Variants in FILIP1 observed in about 807,000 individuals in gnomAD.
FILIP1 encodes the protein filamin A interacting protein 1.
Under a neutral mutation model 102.1 loss-of-function variants are expected in FILIP1, and 61 were observed. The observed-to-expected ratio is 0.60, with a 90% confidence interval of 0.49 to 0.74. The LOEUF is 0.74. FILIP1 is among the 30% of genes least tolerant of loss of function. The pLI, the probability that FILIP1 is intolerant of heterozygous loss-of-function variation, is 0.00. For missense variants in FILIP1, 1,314 were observed against 1,441.2 expected (o/e 0.91, Z 1.43); for synonymous variants, 491 against 526.9 (o/e 0.93, Z 0.93).
intron 4 of FILIP1, among the ~76,000 whole-genome samples, chr6:75,333,866 T>C (rs1774155890): frequency 6.6e-6 from 1 of 152,164 alleles, no homozygotes; most frequent in Non-Finnish European, 1.5e-5. Flanking sequence ...ACACAATTGT[T>C]TAACATAATC....
In FILIP1 at chr6:75,314,554, C is replaced by A; in HGVS notation, c.1278G>T (p.Glu426Asp). The A allele has an allele frequency of 6.2e-7, 1 of 1,614,030 alleles. No homozygotes were observed. The highest frequency in any genetic ancestry group is 8.5e-7 in the Non-Finnish European group (1 of 1,180,012). ...HHSKELRLEVEKLQKRMSELE... is the reference protein window; with the variant it reads ...HHSKELRLEVDKLQKRMSELE... ...GTTCAGACATTCTCTTCTGTAGCTT[C>A]TCAACTTCAAGTCTGAGCTCCTTAC... The change falls in exon 5 of 6, where the codon GAG (glutamate) becomes GAT (aspartate). Residue 426 changes from glutamate (E) to aspartate (D), a missense_variant. Coordinates refer to ENST00000237172, the MANE Select transcript of FILIP1 (RefSeq NM_015687.5).
In FILIP1 at chr6:75,314,560, T is replaced by C; in HGVS notation, c.1272A>G (p.Glu424=). 6.2e-7 allele frequency: 1 copy of C among 1,614,046 alleles called. No individual in the cohort carries two copies. The change falls in exon 5 of 6, where the codon GAA becomes GAG. Residue 424 remains glutamate (E), a synonymous_variant. Coordinates refer to ENST00000237172, the MANE Select transcript of FILIP1 (RefSeq NM_015687.5). ...EEHHSKELRL[E]VEKLQKRMSE... Reference sequence around the variant, plus strand: ...ACATTCTCTTCTGTAGCTTCTCAACTTCAAGTCTGAGCTCCTTACTATGGT... The same window carrying C: ...ACATTCTCTTCTGTAGCTTCTCAACCTCAAGTCTGAGCTCCTTACTATGGT...
intron 1 of FILIP1, among the ~76,000 whole-genome samples, chr6:75,462,398 A>C (rs1432631856): frequency 7.9e-5 from 12 of 152,094 alleles, no homozygotes; most frequent in Admixed American, 7.9e-4. Context: ...GCACAACTGG[A>C]ATGGCAGGGT....
At chr6:75,327,683 T>C (rs1032789457) in intron 4 of FILIP1, among the ~76,000 whole-genome samples, 1 of 151,602 alleles carries the variant, frequency 6.6e-6, no homozygotes, top group African/African-American at 2.4e-5. Context: ...TATATAAACA[T>C]TAAGAGATAT....
In FILIP1 at chr6:75,319,120, T is replaced by A. The variant is rs1319330965; in HGVS notation, c.630-3918A>T. ...ATCTTCCTCCTCTTCCTTCTTTTTC[T>A]TGCTTTTTTCAGACTTGACAATTCC... On this transcript the variant is annotated intron_variant, in intron 4 of 5. Coordinates refer to ENST00000237172, the MANE Select transcript of FILIP1 (RefSeq NM_015687.5). 6.8e-6 allele frequency: 5 copies of A among 732,874 alleles called. No homozygotes were observed. In the East Asian group the frequency reaches 1.4e-4, roughly 21 times the overall value. The allele number at this position is 732,874 out of a possible 1,614,324, so 45.4% of individuals were successfully genotyped here.
chr6:75,332,158 C>A (rs1366595977), intron 4 of FILIP1, among the ~76,000 whole-genome samples: 1 of 152,146 alleles, frequency 6.6e-6, no homozygotes, highest in Non-Finnish European at 1.5e-5. Context: ...ACCAAGACAG[C>A]AGTTCACAGT....
At chr6:75,443,029 G>C (rs183763806) in intron 1 of FILIP1, among the ~76,000 whole-genome samples, 3 of 152,334 alleles carry the variant, frequency 2.0e-5, no homozygotes, top group African/African-American at 7.2e-5. Flanking sequence ...TGGAGTGAAA[G>C]TGTAAAGTTT....
At chr6:75,481,939 G>T (rs1372585165) in intron 1 of FILIP1, among the ~76,000 whole-genome samples, 2 of 152,182 alleles carry the variant, frequency 1.3e-5, no homozygotes. Flanking sequence ...TAAATTAGAT[G>T]ATTTTAATCT....
chr6:75,490,629 C>T (rs1779927405), intron 1 of FILIP1, among the ~76,000 whole-genome samples: 1 of 139,278 alleles, frequency 7.2e-6, no homozygotes, highest in African/African-American at 2.5e-5. Context: ...TAGGTAGATA[C>T]ACAGGATTTG....
At chr6:75,325,427 AC>A (rs1773808618) in intron 4 of FILIP1, among the ~76,000 whole-genome samples, 1 of 152,202 alleles carries the variant, frequency 6.6e-6, no homozygotes, top group Admixed American at 6.5e-5. Flanking sequence ...GTCTCAAAAA[AC>A]AAAACAAAAC....
chr6:75,404,196 CT>C (rs1191524666), intron 2 of FILIP1, among the ~76,000 whole-genome samples: 3 of 152,178 alleles, frequency 2.0e-5, no homozygotes, highest in Non-Finnish European at 4.4e-5. Flanking sequence ...GATTATGCCA[CT>C]GCCACTGCCC....
chr6:75,396,528 A>T (rs1776465775), intron 2 of FILIP1, among the ~76,000 whole-genome samples: 1 of 152,036 alleles, frequency 6.6e-6, no homozygotes, highest in Non-Finnish European at 1.5e-5. Flanking sequence ...TGTCAATTAT[A>T]CCCTTGTTAG....
chr6:75,399,957 C>T (rs1776596893), intron 2 of FILIP1, among the ~76,000 whole-genome samples: 1 of 152,028 alleles, frequency 6.6e-6, no homozygotes. Flanking sequence ...AAAGGAAATT[C>T]CAGGCATCCT....
At position 75,312,841 on chromosome 6, in the gene FILIP1, G is replaced by A. The variant is rs776433993; in HGVS notation, c.2991C>T (p.Gly997=). The A allele has an allele frequency of 1.3e-5, 21 of 1,613,998 alleles. No individual in the cohort carries two copies. Among genetic ancestry groups the A allele is most frequent in the East Asian group, 4.5e-5 (2 of 44,886 alleles). Residue 997 remains glycine (G), a synonymous_variant, in exon 5 of 6, where the codon GGC becomes GGT. Transcript: ENST00000237172. Reference sequence around the variant, plus strand: ...GGGATGTGGGCCTGTCTGCAAATGCGCCTCTTCCACTTTCTGGAGTCTTCT... The same window carrying A: ...GGGATGTGGGCCTGTCTGCAAATGCACCTCTTCCACTTTCTGGAGTCTTCT... The part of the protein sequence containing the change: ...SREKTPESGR[G]AFADRPTSPI...
At chr6:75,466,037 C>T (rs914575702) in intron 1 of FILIP1, among the ~76,000 whole-genome samples, 1 of 152,092 alleles carries the variant, frequency 6.6e-6, no homozygotes, top group African/African-American at 2.4e-5. Context: ...CTCTGCCTGG[C>T]TTACTTTTTG....
intron 1 of FILIP1, among the ~76,000 whole-genome samples, chr6:75,486,745 G>A (rs1779800804): frequency 6.6e-6 from 1 of 152,026 alleles, no homozygotes; most frequent in Non-Finnish European, 1.5e-5. Flanking sequence ...GTTACGAGAA[G>A]CAAATAAAAT....
At chr6:75,342,930 G>C (rs771382884) in intron 4 of FILIP1, among the ~76,000 whole-genome samples, 1 of 152,158 alleles carries the variant, frequency 6.6e-6, no homozygotes, top group Non-Finnish European at 1.5e-5. Context: ...AATTCTTGGA[G>C]GGAGAACCAC....
At chr6:75,393,972 T>G (rs1001075772) in intron 2 of FILIP1, among the ~76,000 whole-genome samples, 2 of 152,168 alleles carry the variant, frequency 1.3e-5, no homozygotes, top group Non-Finnish European at 1.5e-5. Context: ...CAAGCTCCCT[T>G]AGAGGTACTA....
intron 4 of FILIP1, among the ~76,000 whole-genome samples, chr6:75,338,938 A>G (rs11969469): frequency 0.2 from 30,212 of 152,176 alleles, 3,207 homozygotes; most frequent in Middle Eastern, 0.28. Context: ...TCTGGAATTT[A>G]TACATCTCAC....
Sources: gnomAD v4.1 joint callset for allele counts (sites outside exome capture counted in the v4.1 genomes callset) on GRCh38, gnomAD v4.1.1 for gene constraint, MANE v1.5 for transcripts, NCBI Gene and HGNC (gene_info 2026-07-23, HGNC 2026-07-21) for gene names.